Variants in EFCAB11 observed in about 807,000 individuals in gnomAD.
The protein encoded by EFCAB11 is EF-hand calcium binding domain 11.
Under a neutral mutation model 23.0 loss-of-function variants are expected in EFCAB11, and 14 were observed. The observed-to-expected ratio is 0.61, with a 90% CI of 0.40 to 0.95. The LOEUF is 0.95. Ranked by LOEUF, EFCAB11 falls within the 40% of genes least tolerant of loss-of-function variation. The probability of loss-of-function intolerance (pLI) is 0.00; values close to 1 mark genes in which losing one functional copy is unlikely to be tolerated. For missense variants in EFCAB11, 198 were observed against 195.8 expected, an observed-to-expected ratio of 1.01 and a Z score of -0.07; for synonymous variants, 65 against 66.6, an observed-to-expected ratio of 0.98 and a Z score of 0.11.
chr14:89,857,930 TA>T (rs1442780692), intron 5 of EFCAB11, among the ~76,000 whole-genome samples: 1 of 152,242 alleles, frequency 6.6e-6, no homozygotes, highest in Non-Finnish European at 1.5e-5. Context: ...GAAATTCTGA[TA>T]TCCAGCTTCT....
At chr14:89,843,543 T>C (rs1401169063) in intron 5 of EFCAB11, among the ~76,000 whole-genome samples, 1 of 152,232 alleles carries the variant, frequency 6.6e-6, no homozygotes, top group Admixed American at 6.5e-5. Flanking sequence ...AGTATTTTCA[T>C]AGTCTTTTCA....
At chr14:89,949,476 T>TCAATAGCCA (rs1161798800) in intron 3 of EFCAB11, among the ~76,000 whole-genome samples, 4 of 152,172 alleles carry the variant, frequency 2.6e-5, no homozygotes, top group Non-Finnish European at 2.9e-5. Context: ...GCAATTCTCC[T>TCAATAGCCA]GCATCAGTCT....
intron 3 of EFCAB11, among the ~76,000 whole-genome samples, chr14:89,943,244 C>T (rs1003639585): frequency 6.0e-5 from 9 of 150,440 alleles, no homozygotes; most frequent in African/African-American, 2.2e-4. Context: ...GCATTTCAGA[C>T]CTGTTTTTTT....
At chr14:89,821,053 G>T (rs183303359) in intron 5 of EFCAB11, among the ~76,000 whole-genome samples, 1 of 151,922 alleles carries the variant, frequency 6.6e-6, no homozygotes. Flanking sequence ...TAGAGATGGG[G>T]GTCTCACTAT....
intron 5 of EFCAB11, among the ~76,000 whole-genome samples, chr14:89,866,337 C>T (rs552227205): frequency 6.6e-6 from 1 of 152,342 alleles, no homozygotes; most frequent in Admixed American, 6.5e-5. Flanking sequence ...CAATTAAACG[C>T]ATGGCCAGGG....
At chr14:89,888,533 A>G (rs1888862653) in intron 5 of EFCAB11, among the ~76,000 whole-genome samples, 1 of 152,164 alleles carries the variant, frequency 6.6e-6, no homozygotes. Flanking sequence ...ACACTTTTAA[A>G]TGGCCAAATC....
At chr14:89,952,289 T>C in intron 2 of EFCAB11, 2 of 518,610 alleles carry the variant, frequency 3.9e-6, no homozygotes, top group Non-Finnish European at 5.0e-6. Flanking sequence ...GGAGTGTATG[T>C]ACAGTATGTT....
intron 3 of EFCAB11, among the ~76,000 whole-genome samples, chr14:89,945,067 A>G (rs988710891): frequency 1.3e-5 from 2 of 150,512 alleles, no homozygotes; most frequent in African/African-American, 4.9e-5. Context: ...AATCTAATAA[A>G]ATATTAGATT....
chr14:89,795,018 C>A lies in EFCAB11; in HGVS notation c.*2225G>T, dbSNP rs1172244734. 7.4e-6 allele frequency: 1 copy of A among 135,068 alleles called. No individual in the cohort carries two copies. Among genetic ancestry groups the A allele is most frequent in the Non-Finnish European group, 1.5e-5 (1 of 65,228 alleles). The allele number at this position is 135,068 out of a possible 1,614,324, so 8.4% of individuals were successfully genotyped here. On this transcript the variant is annotated 3_prime_UTR_variant, in exon 6 of 6. Transcript: ENST00000316738. ...TTTGAGAGGGAGTCTCGCTCTGTTG[C>A]CCAGACTGGAGTGCAGTGGCACCAT...
rs534127176 is a variant in EFCAB11 at position 89,799,983 on chromosome 14, C to T, written c.411-2659G>A. 9.9e-5 allele frequency among the ~76,000 whole-genome samples: 15 copies of T among 152,104 alleles called. No individual in the cohort carries two copies. The East Asian group carries it at 2.1e-3, about 22-fold the overall frequency. On this transcript the variant is annotated intron_variant, in intron 5 of 5. Coordinates refer to ENST00000316738, the MANE Select transcript of EFCAB11 (RefSeq NM_145231.4). ...GGTGGATCACCTGAGGTCAGGAGTT[C>T]GAGACTAGCCTGGCCAATGTGGTGA...
chr14:89,858,716 T>C (rs951894697), intron 5 of EFCAB11, among the ~76,000 whole-genome samples: 1 of 139,478 alleles, frequency 7.2e-6, no homozygotes, highest in African/African-American at 2.6e-5. Flanking sequence ...CCCAGGCTGG[T>C]CTCCAACTTC....
intron 5 of EFCAB11, among the ~76,000 whole-genome samples, chr14:89,917,053 CGTGTGTGTGTGTGTGTGTGTGTGTGT>C (rs71107570): frequency 2.9e-5 from 4 of 136,626 alleles, no homozygotes; most frequent in Non-Finnish European, 4.7e-5. Context: ...TGACATGCTT[CGTGTGTGTGTGTGTGTGTGTGTGTGT>C]GTGTGTGTGT....
intron 5 of EFCAB11, among the ~76,000 whole-genome samples, chr14:89,865,826 G>A (rs527631272): frequency 0.03 from 379 of 12,778 alleles, 1 homozygote; most frequent in African/African-American, 0.046. Context: ...CACCATGCTC[G>A]GCTAATTTTG....
intron 5 of EFCAB11, chr14:89,836,984 T>C (rs1048614373): frequency 6.6e-6 from 3 of 454,626 alleles, no homozygotes; most frequent in South Asian, 1.6e-5. Flanking sequence ...ACTGTGCGAC[T>C]GTACTCCAGC....
chr14:89,928,214 C>T (rs367862800), intron 5 of EFCAB11, among the ~76,000 whole-genome samples: 3 of 151,990 alleles, frequency 2.0e-5, no homozygotes, highest in South Asian at 2.1e-4. Context: ...CATGAATATA[C>T]TTATTTATAG....
At chr14:89,842,596 T>C (rs573530983) in intron 5 of EFCAB11, among the ~76,000 whole-genome samples, 3 of 111,304 alleles carry the variant, frequency 2.7e-5, no homozygotes, top group Non-Finnish European at 5.8e-5. Flanking sequence ...TAATATGATA[T>C]AATATGATAT....
chr14:89,830,358 C>T lies in EFCAB11; in HGVS notation c.411-33034G>A, dbSNP rs539312960. 1.9e-4 allele frequency: 29 copies of T among 152,266 alleles called. No homozygotes were observed. The South Asian group carries it at 2.5e-3, about 13-fold the overall frequency. The allele number at this position is 152,266 out of a possible 1,614,324, so 9.4% of individuals were successfully genotyped here. On this transcript the variant is annotated intron_variant, in intron 5 of 5. Transcript: ENST00000316738. ...CACGCATACTTTCAATGAACAAACA[C>T]GAACAATTTTTGTATCTTTTTTCCT...
In EFCAB11 at chr14:89,851,407, G is replaced by T. The variant is rs138898594; in HGVS notation, c.411-54083C>A. Among the ~76,000 whole-genome samples, 3 of 152,302 alleles carry T rather than the reference G, an allele frequency of 2.0e-5. No individual in the cohort carries two copies. The East Asian group carries it at 5.8e-4, about 29-fold the overall frequency. On this transcript the variant is annotated intron_variant, in intron 5 of 5. Coordinates refer to ENST00000316738, the MANE Select transcript of EFCAB11 (RefSeq NM_145231.4). ...CTTCAGCTCCCAGTTCACAAAAAGA[G>T]AGAAAATTTGAAACCAAGGAAAAAA...
intron 5 of EFCAB11, among the ~76,000 whole-genome samples, chr14:89,881,590 G>GA (rs1888605288): frequency 6.6e-6 from 1 of 150,590 alleles, no homozygotes; most frequent in Non-Finnish European, 1.5e-5. Flanking sequence ...TGGGATTACA[G>GA]ACATTCACCA....
Sources: gnomAD v4.1 joint callset for allele counts (sites outside exome capture counted in the v4.1 genomes callset) on GRCh38, gnomAD v4.1.1 for gene constraint, MANE v1.5 for transcripts, NCBI Gene and HGNC (gene_info 2026-07-23, HGNC 2026-07-21) for gene names.